The following MAPK10 variants were observed in gnomAD, a reference collection of about 807,000 sequenced individuals.
The protein encoded by MAPK10 is mitogen-activated protein kinase 10, also known as JNK3 alpha protein kinase.
MAPK10 carries 25 observed loss-of-function variants against 59.3 expected under a neutral mutation model. The ratio of observed to expected loss-of-function variants is 0.42; its 90% confidence interval spans 0.31 to 0.59. MAPK10 has a LOEUF of 0.59. Among genes scored for constraint, MAPK10 ranks in the 20% least tolerant of loss-of-function variants. The probability of loss-of-function intolerance (pLI) is 0.15; values close to 1 mark genes in which losing one functional copy is unlikely to be tolerated. For missense variants in MAPK10, 351 were observed against 568.9 expected (o/e 0.62, Z 3.90); for synonymous variants, 190 against 200.5 (o/e 0.95, Z 0.44).
Position 86,207,149 on chromosome 4 carries a change from A to T in MAPK10, c.-6-12742T>A, listed in dbSNP as rs565527011. Reference sequence around the variant, plus strand: ...GCCTATGTCCTGAATGGTAATGCCTAGGTTTTCTTCTAGGGTTTTTATGGT... The same window carrying T: ...GCCTATGTCCTGAATGGTAATGCCTTGGTTTTCTTCTAGGGTTTTTATGGT... On this transcript the variant is annotated intron_variant, in intron 2 of 13. Transcript: ENST00000641462. Among the ~76,000 whole-genome samples the T allele has an allele frequency of 3.8e-3, 580 of 151,208 alleles. 4 individuals carry two copies. Among genetic ancestry groups the T allele is most frequent in the Middle Eastern group, 0.014 (4 of 294 alleles).
intron 1 of MAPK10, among the ~76,000 whole-genome samples, chr4:86,492,406 C>T (rs751091854): frequency 3.9e-5 from 6 of 152,186 alleles, no homozygotes; most frequent in Non-Finnish European, 8.8e-5. Context: ...TACACATTCC[C>T]TATTCTTCTT....
intron 2 of MAPK10, among the ~76,000 whole-genome samples, chr4:86,340,886 T>C (rs1724500643): frequency 6.6e-6 from 1 of 152,216 alleles, no homozygotes; most frequent in Admixed American, 6.5e-5. Context: ...TACTCAATCA[T>C]TTTCCACCTC....
intron 1 of MAPK10, among the ~76,000 whole-genome samples, chr4:86,499,371 C>T (rs1393101729): frequency 6.6e-6 from 1 of 152,196 alleles, no homozygotes; most frequent in Non-Finnish European, 1.5e-5. Flanking sequence ...ACCTTGACTT[C>T]AGTGCATGAC....
At chr4:86,489,911 T>C (rs1198772305) in intron 1 of MAPK10, among the ~76,000 whole-genome samples, 1 of 152,150 alleles carries the variant, frequency 6.6e-6, no homozygotes, top group Non-Finnish European at 1.5e-5. Flanking sequence ...AGGGCCCTTT[T>C]TTCTGTTCCA....
Position 86,170,387 on chromosome 4 carries a change from C to A in MAPK10, c.67-10920G>T, listed in dbSNP as rs559574392. On this transcript the variant is annotated intron_variant, in intron 3 of 13. Transcript: ENST00000641462. The stretch of plus-strand genomic sequence containing the variant: ...GAAGATCTACCAAGCAAATGGAAAA[C>A]AAAAAAAGGCAGAGGTTACAATCCT... Among the ~76,000 whole-genome samples the A allele has an allele frequency of 2.9e-3, 442 of 151,510 alleles. 3 individuals carry two copies. The highest frequency in any genetic ancestry group is 0.027 in the East Asian group (138 of 5,158).
intron 1 of MAPK10, among the ~76,000 whole-genome samples, chr4:86,511,319 G>A (rs1433697011): frequency 6.6e-6 from 1 of 151,404 alleles, no homozygotes; most frequent in Non-Finnish European, 1.5e-5. Context: ...CATTTTGGGA[G>A]GCCAAGGTGA....
rs1049256849 is a variant in MAPK10, at chr4:86,017,762, C to T, written c.1253-392G>A. On this transcript the variant is annotated intron_variant, in intron 13 of 13. Coordinates refer to ENST00000641462, the MANE Select transcript of MAPK10 (RefSeq NM_138982.4). The surrounding 1 kb of genome is among the most constrained non-coding windows in gnomAD (Gnocchi z 4.4). ...TTTTTGAGATGGAGTCTCGCTCTGT[C>T]GCCAGGCTGGAGTGCAGCGGCACAA... 2.0e-5 allele frequency among the ~76,000 whole-genome samples: 3 copies of T among 152,060 alleles called. No individual in the cohort carries two copies. Among genetic ancestry groups the T allele is most frequent in the Admixed American group, 6.6e-5 (1 of 15,254 alleles).
At chr4:86,381,575 G>C (rs1740719933) in intron 1 of MAPK10, among the ~76,000 whole-genome samples, 1 of 152,150 alleles carries the variant, frequency 6.6e-6, no homozygotes, top group Non-Finnish European at 1.5e-5. Flanking sequence ...CAGGAGAAAG[G>C]AAGAAGCCAA....
At chr4:86,486,970 A>G (rs1579372260) in intron 1 of MAPK10, among the ~76,000 whole-genome samples, 1 of 152,166 alleles carries the variant, frequency 6.6e-6, no homozygotes, top group Non-Finnish European at 1.5e-5. Flanking sequence ...AAGAAACATC[A>G]GACAAACCCA....
chr4:86,074,376 G>C (rs1014998835), intron 9 of MAPK10, among the ~76,000 whole-genome samples: 67 of 150,504 alleles, frequency 4.5e-4, no homozygotes, highest in African/African-American at 1.4e-3. Flanking sequence ...TTTAATTGGA[G>C]CATTTAGTCC....
chr4:86,094,333 C>G (rs895473519), intron 9 of MAPK10, among the ~76,000 whole-genome samples: 4 of 151,944 alleles, frequency 2.6e-5, no homozygotes, highest in African/African-American at 9.7e-5. Context: ...CTCTTTCATT[C>G]TAACTGCAAT....
chr4:86,039,078 A>G (rs762603631), intron 11 of MAPK10, among the ~76,000 whole-genome samples: 2 of 152,234 alleles, frequency 1.3e-5, no homozygotes, highest in Non-Finnish European at 2.9e-5. Context: ...ACTACAGATT[A>G]AATAAATGCC....
intron 1 of MAPK10, among the ~76,000 whole-genome samples, chr4:86,525,980 G>T (rs967342143): frequency 6.8e-6 from 1 of 148,080 alleles, no homozygotes; most frequent in Non-Finnish European, 1.5e-5. Context: ...CTGGTATTTT[G>T]TTGAGGATTT....
chr4:86,031,222 T>G (rs2038946609), intron 12 of MAPK10, 146 bp downstream of exon 12: 1 of 623,198 alleles, frequency 1.6e-6, no homozygotes, highest in South Asian at 1.9e-5. Context: ...AAAAGACAGA[T>G]GAAGTTTTAG....
chr4:86,494,759 C>T lies in MAPK10; in HGVS notation c.-263+99151G>A, dbSNP rs1358427481. ...TCAGGAGGCTGAGGCAGGAGAATGG[C>T]GTGAACCTGGGAGGCGGAGCTTGCA... On this transcript the variant is annotated intron_variant, in intron 1 of 4. Transcript: ENST00000502302. Among the ~76,000 whole-genome samples, 4 of 133,912 alleles carry T rather than the reference C, an allele frequency of 3.0e-5. No homozygotes were observed. The South Asian group carries it at 7.5e-4, about 25-fold the overall frequency. The allele number at this position is 133,912 out of a possible 152,430, so 87.9% of individuals were successfully genotyped here.
intron 1 of MAPK10, among the ~76,000 whole-genome samples, chr4:86,559,379 AT>A (rs571146916): frequency 3.7e-4 from 56 of 151,842 alleles, no homozygotes; most frequent in Non-Finnish European, 7.2e-4. Flanking sequence ...CTGTTTTAAG[AT>A]TTATTCCAAG....
chr4:86,327,608 T>A (rs2096057382), intron 2 of MAPK10: 1 of 151,634 alleles, frequency 6.6e-6, no homozygotes, highest in African/African-American at 2.4e-5. Flanking sequence ...TCCTACATAA[T>A]GCTTATTTAA....
chr4:86,406,251 C>T (rs1258792044), intron 1 of MAPK10, among the ~76,000 whole-genome samples: 1 of 152,136 alleles, frequency 6.6e-6, no homozygotes, highest in Non-Finnish European at 1.5e-5. Context: ...TCACCTGGGA[C>T]TTGTAGGAAA....
chr4:86,193,523 C>T (rs748982075), intron 3 of MAPK10: 2 of 152,228 alleles, frequency 1.3e-5, no homozygotes, highest in Non-Finnish European at 2.9e-5. Flanking sequence ...CTGCCCAGTT[C>T]GAACTTTCCA....
Sources: allele counts gnomAD v4.1 joint callset (sites outside exome capture counted in the v4.1 genomes callset), GRCh38; gene constraint gnomAD v4.1.1; non-coding constraint Gnocchi (gnomAD v3.1); transcripts MANE v1.5; gene names NCBI Gene and HGNC (gene_info 2026-07-23, HGNC 2026-07-21).